Variants in RNF180 observed in about 807,000 individuals in gnomAD.
RNF180 encodes the protein E3 ubiquitin-protein ligase RNF180.
Under a neutral mutation model 59.2 loss-of-function variants are expected in RNF180, and 38 were observed. The observed-to-expected ratio is 0.64, with a 90% confidence interval of 0.50 to 0.84. RNF180 has a LOEUF of 0.84. Ranked by LOEUF, RNF180 falls within the 40% of genes least tolerant of loss-of-function variation. The pLI is 0.00. For synonymous variants in RNF180, 262 were observed against 240.3 expected, an observed-to-expected ratio of 1.09 and a Z score of -0.84; for missense variants, 705 against 700.9, an observed-to-expected ratio of 1.01 and a Z score of -0.07.
At chr5:64,175,844 G>T (rs1211230292) in intron 1 of RNF180, among the ~76,000 whole-genome samples, 1 of 151,902 alleles carries the variant, frequency 6.6e-6, no homozygotes, top group Non-Finnish European at 1.5e-5. Flanking sequence ...TTATTTCCAG[G>T]CATCTAATTT....
intron 2 of RNF180, among the ~76,000 whole-genome samples, chr5:64,204,129 T>C (rs1751892873): frequency 6.6e-6 from 1 of 152,140 alleles, no homozygotes; most frequent in Non-Finnish European, 1.5e-5. Flanking sequence ...CGAGTGTAGA[T>C]TTAGTTCATT....
intron 7 of RNF180, among the ~76,000 whole-genome samples, chr5:64,351,189 C>G (rs551193922): frequency 6.6e-6 from 1 of 152,108 alleles, no homozygotes; most frequent in Non-Finnish European, 1.5e-5. Context: ...TGGGAGTTCA[C>G]TCATGATTTG....
intron 4 of RNF180, among the ~76,000 whole-genome samples, chr5:64,216,810 A>G (rs1752655465): frequency 6.6e-6 from 1 of 152,156 alleles, no homozygotes; most frequent in Non-Finnish European, 1.5e-5. Flanking sequence ...CCTCTTTTTT[A>G]TCCAGCATAG....
chr5:64,177,535 A>ATATATATAT (rs1750309956), intron 1 of RNF180, among the ~76,000 whole-genome samples: 1 of 30,726 alleles, frequency 3.3e-5, no homozygotes, highest in East Asian at 4.3e-4. Context: ...CCATATATAT[A>ATATATATAT]TATATATATA....
chr5:64,224,893 C>G (rs142260073), intron 5 of RNF180, among the ~76,000 whole-genome samples: 1 of 152,344 alleles, frequency 6.6e-6, no homozygotes, highest in African/African-American at 2.4e-5. Flanking sequence ...CTAGCTTGCT[C>G]TCTTACCCTT....
At chr5:64,174,789 A>C (rs1750137987) in intron 1 of RNF180, among the ~76,000 whole-genome samples, 1 of 152,048 alleles carries the variant, frequency 6.6e-6, no homozygotes. Flanking sequence ...GAAACTTTTT[A>C]GTTAAATATA....
chr5:64,287,700 T>C (rs1198365497), intron 5 of RNF180, among the ~76,000 whole-genome samples: 1 of 152,228 alleles, frequency 6.6e-6, no homozygotes, highest in East Asian at 1.9e-4. Context: ...TTCATATGTT[T>C]GTTGGCCACG....
chr5:64,337,250 C>A (rs1348414688), intron 7 of RNF180, among the ~76,000 whole-genome samples: 1 of 152,132 alleles, frequency 6.6e-6, no homozygotes, highest in Non-Finnish European at 1.5e-5. Flanking sequence ...CTCAAGCAAT[C>A]CTCCTTCCTC....
At chr5:64,325,510 A>G in intron 6 of RNF180, 99 bp downstream of exon 6, 1 of 858,870 alleles carries the variant, frequency 1.2e-6, no homozygotes, top group Non-Finnish European at 1.8e-6. Context: ...AATCACATAT[A>G]CCATAATTTG....
intron 1 of RNF180, among the ~76,000 whole-genome samples, chr5:64,198,978 G>A (rs1265838505): frequency 5.9e-5 from 9 of 152,044 alleles, no homozygotes; most frequent in African/African-American, 1.4e-4. Context: ...CACCACACAC[G>A]GCTAAATTTT....
chr5:64,217,602 T>A, intron 5 of RNF180: 1 of 729,282 alleles, frequency 1.4e-6, no homozygotes, highest in South Asian at 6.1e-5. Flanking sequence ...TCCTTAAGGA[T>A]GCTGAACATA....
At chr5:64,340,767 T>G (rs1009271489) in intron 7 of RNF180, among the ~76,000 whole-genome samples, 2 of 152,236 alleles carry the variant, frequency 1.3e-5, no homozygotes, top group African/African-American at 4.8e-5. Context: ...CACAGTTTAC[T>G]TATGAGTTTA....
At chr5:64,343,909 A>T (rs186329879) in intron 7 of RNF180, among the ~76,000 whole-genome samples, 235 of 151,764 alleles carry the variant, frequency 1.5e-3, no homozygotes, top group Non-Finnish European at 3.1e-3. Context: ...AGGAAGGTCT[A>T]CTGGATACCT....
intron 1 of RNF180, among the ~76,000 whole-genome samples, chr5:64,179,623 T>G (rs1388765643): frequency 6.6e-6 from 1 of 152,228 alleles, no homozygotes; most frequent in Non-Finnish European, 1.5e-5. Flanking sequence ...AGTATTCCAT[T>G]GTATGAATGA....
chr5:64,186,362 A>T (rs1750875279), intron 1 of RNF180, among the ~76,000 whole-genome samples: 2 of 152,128 alleles, frequency 1.3e-5, no homozygotes, highest in South Asian at 4.1e-4. Context: ...CATAAGGTAA[A>T]TATGTTTTAG....
At position 64,371,968 on chromosome 5, in the gene RNF180, T is replaced by C. The variant is rs1407575652; in HGVS notation, c.*2154T>C. Reference sequence around the variant, plus strand: ...TTTAGAGTAAAACAAAAAATTATAATGCTCTTCCTAAGCATCTCTCACAGT... The same window carrying C: ...TTTAGAGTAAAACAAAAAATTATAACGCTCTTCCTAAGCATCTCTCACAGT... On this transcript the variant is annotated 3_prime_UTR_variant, in exon 8 of 8. Coordinates refer to ENST00000389100, the MANE Select transcript of RNF180 (RefSeq NM_001113561.2). 1.3e-5 allele frequency: 2 copies of C among 151,580 alleles called. No individual in the cohort carries two copies. Among genetic ancestry groups the C allele is most frequent in the Non-Finnish European group, 3.0e-5 (2 of 67,746 alleles). 9.4% of individuals were successfully genotyped at this position (151,580 alleles called of 1,614,324 possible).
intron 5 of RNF180, among the ~76,000 whole-genome samples, chr5:64,225,894 CGGCCACCCCATCT>C (rs1400401676): frequency 1.2e-4 from 16 of 129,670 alleles, no homozygotes; most frequent in Non-Finnish European, 1.8e-4. Context: ...TGCCTCTGCC[CGGCCACCCCATCT>C]GGCCACCCCA....
chr5:64,180,276 A>G (rs1370891214), intron 1 of RNF180, among the ~76,000 whole-genome samples: 2 of 152,138 alleles, frequency 1.3e-5, no homozygotes, highest in Admixed American at 1.3e-4. Flanking sequence ...GCCTATAGTC[A>G]CAAGTTTGAG....
intron 2 of RNF180, among the ~76,000 whole-genome samples, chr5:64,202,125 T>A (rs527370586): frequency 6.6e-6 from 1 of 152,240 alleles, no homozygotes; most frequent in Non-Finnish European, 1.5e-5. Context: ...GATCAAGATA[T>A]GCATTTGCAT....
Sources: gnomAD v4.1 joint callset for allele counts (sites outside exome capture counted in the v4.1 genomes callset) on GRCh38, gnomAD v4.1.1 for gene constraint, MANE v1.5 for transcripts, NCBI Gene and HGNC (gene_info 2026-07-23, HGNC 2026-07-21) for gene names.